MOXD1: variants seen among roughly 807,000 people sequenced by gnomAD.
MOXD1 encodes monooxygenase DBH like 1.
MOXD1 carries 62 observed loss-of-function variants against 66.6 expected under a neutral mutation model. The ratio of observed to expected loss-of-function variants is 0.93; its 90% CI spans 0.76 to 1.15. MOXD1 has a LOEUF of 1.15. Among genes scored for constraint, MOXD1 ranks in the 50% most tolerant of loss-of-function variants. The probability of loss-of-function intolerance (pLI) is 0.00; values close to 1 mark genes in which losing one functional copy is unlikely to be tolerated. For missense variants in MOXD1, 847 were observed against 754.6 expected, an observed-to-expected ratio of 1.12 and a Z score of -1.44; for synonymous variants, 303 against 281.9, an observed-to-expected ratio of 1.07 and a Z score of -0.75.
intron 4 of MOXD1, among the ~76,000 whole-genome samples, chr6:132,350,524 A>G (rs1010347247): frequency 3.3e-5 from 5 of 151,822 alleles, no homozygotes; most frequent in African/African-American, 1.2e-4. Flanking sequence ...TTTGGTGACT[A>G]TGGTCTTATA....
At chr6:132,318,332 A>G (rs1342032738) in intron 9 of MOXD1, among the ~76,000 whole-genome samples, 1 of 152,042 alleles carries the variant, frequency 6.6e-6, no homozygotes, top group African/African-American at 2.4e-5. Context: ...ACAGTGTATA[A>G]GTGTTCCAGT....
At chr6:132,355,339 A>G (rs1178983775) in intron 4 of MOXD1, among the ~76,000 whole-genome samples, 4 of 152,008 alleles carry the variant, frequency 2.6e-5, no homozygotes, top group African/African-American at 9.7e-5. Context: ...TGCTTCCTCT[A>G]TCCCTGTATT....
At chr6:132,396,496 AC>A (rs1312198814) in intron 1 of MOXD1, among the ~76,000 whole-genome samples, 3 of 151,984 alleles carry the variant, frequency 2.0e-5, no homozygotes, top group Admixed American at 2.0e-4. Context: ...GAAAAACCAC[AC>A]CCAAAATTAG....
At chr6:132,307,316 T>G (rs1264531711) in intron 10 of MOXD1, among the ~76,000 whole-genome samples, 1 of 152,162 alleles carries the variant, frequency 6.6e-6, no homozygotes, top group Non-Finnish European at 1.5e-5. Flanking sequence ...CAAGAAGAGC[T>G]AACTATTCTA....
chr6:132,397,658 GAA>G (rs1444401661), intron 1 of MOXD1, among the ~76,000 whole-genome samples: 1 of 135,860 alleles, frequency 7.4e-6, no homozygotes, highest in Admixed American at 7.3e-5. Flanking sequence ...AAGAAAGAAA[GAA>G]AGAAAGAAAG....
intron 4 of MOXD1, among the ~76,000 whole-genome samples, chr6:132,338,786 G>A (rs530703376): frequency 3.4e-4 from 52 of 152,022 alleles, no homozygotes; most frequent in Admixed American, 1.7e-3. Context: ...TCACCAACTC[G>A]GTTCCTTTAG....
intron 1 of MOXD1, among the ~76,000 whole-genome samples, chr6:132,386,592 C>A (rs967875092): frequency 6.6e-5 from 10 of 151,378 alleles, no homozygotes; most frequent in Non-Finnish European, 4.4e-5. Flanking sequence ...AATGTCTTCC[C>A]TTCCATTCAT....
At chr6:132,343,715 T>C (rs1329238107) in intron 4 of MOXD1, among the ~76,000 whole-genome samples, 1 of 152,312 alleles carries the variant, frequency 6.6e-6, no homozygotes, top group South Asian at 2.1e-4. Flanking sequence ...ACCTATCAGT[T>C]TGGCAACATT....
At chr6:132,311,422 T>C (rs1774827877) in intron 10 of MOXD1, among the ~76,000 whole-genome samples, 1 of 151,356 alleles carries the variant, frequency 6.6e-6, no homozygotes, top group Non-Finnish European at 1.5e-5. Flanking sequence ...AATTATAATA[T>C]AAATAATAAA....
chr6:132,325,889 T>C (rs1315577235), intron 6 of MOXD1, among the ~76,000 whole-genome samples: 1 of 152,158 alleles, frequency 6.6e-6, no homozygotes, highest in Non-Finnish European at 1.5e-5. Flanking sequence ...AACAAATAAA[T>C]CATAAAAATC....
chr6:132,352,730 A>G, intron 4 of MOXD1, among the ~76,000 whole-genome samples: 1 of 152,078 alleles, frequency 6.6e-6, no homozygotes, highest in East Asian at 1.9e-4. Context: ...TCAGTGGAGT[A>G]TTGAAGTCCC....
intron 1 of MOXD1, among the ~76,000 whole-genome samples, chr6:132,377,694 T>C (rs1186063624): frequency 1.3e-5 from 2 of 152,194 alleles, no homozygotes; most frequent in Non-Finnish European, 2.9e-5. Context: ...TATTTCAAAG[T>C]TCTGAACTCC....
chr6:132,364,730 T>C (rs774458539), intron 4 of MOXD1, among the ~76,000 whole-genome samples: 1 of 152,228 alleles, frequency 6.6e-6, no homozygotes, highest in South Asian at 2.1e-4. Context: ...CCAGTACTTA[T>C]TGAGCTATCT....
intron 1 of MOXD1, among the ~76,000 whole-genome samples, chr6:132,387,751 TAAAAAAAA>T (rs56728324): frequency 1.4e-5 from 1 of 69,516 alleles, no homozygotes; most frequent in East Asian, 3.3e-4. Flanking sequence ...AAACTCCATC[TAAAAAAAA>T]AAAAAAAAAA....
chr6:132,354,170 C>T (rs960230695), intron 4 of MOXD1, among the ~76,000 whole-genome samples: 2 of 152,050 alleles, frequency 1.3e-5, no homozygotes, highest in African/African-American at 2.4e-5. Context: ...GGGATTTCTT[C>T]TTGGTTTGGA....
At chr6:132,392,210 A>T (rs1429747699) in intron 1 of MOXD1, 1 of 1,595,304 alleles carries the variant, frequency 6.3e-7, no homozygotes, top group East Asian at 2.3e-5. Flanking sequence ...AGTTCCAAGC[A>T]CTTCCTCAGC....
intron 4 of MOXD1, among the ~76,000 whole-genome samples, chr6:132,332,003 G>A (rs768989170): frequency 2.0e-5 from 3 of 152,150 alleles, no homozygotes; most frequent in Non-Finnish European, 4.4e-5. Flanking sequence ...GCCCTCAGAG[G>A]TGCAGTGCCA....
At chr6:132,320,602 C>A (rs771312423) in intron 9 of MOXD1, 27 bp downstream of exon 9, 9 of 1,558,114 alleles carry the variant, frequency 5.8e-6, no homozygotes, top group Non-Finnish European at 7.9e-6. Context: ...CATAAATGAA[C>A]TTTAATAATA....
intron 4 of MOXD1, among the ~76,000 whole-genome samples, chr6:132,335,065 T>C (rs1157544535): frequency 1.3e-5 from 2 of 152,114 alleles, no homozygotes; most frequent in African/African-American, 2.4e-5. Context: ...AGGGGAAATG[T>C]ATATTTCCCT....
Sources: gnomAD v4.1 joint callset for allele counts (sites outside exome capture counted in the v4.1 genomes callset) on GRCh38, gnomAD v4.1.1 for gene constraint, MANE v1.5 for transcripts, NCBI Gene and HGNC (gene_info 2026-07-23, HGNC 2026-07-21) for gene names.